Variants in CBX8 observed in about 807,000 individuals in gnomAD.
The protein encoded by CBX8 is chromobox protein homolog 8.
A neutral mutation model predicts 39.7 loss-of-function variants in CBX8; 8 were observed. The observed-to-expected ratio is 0.20, with a 90% CI of 0.12 to 0.36. The LOEUF (loss-of-function observed/expected upper bound fraction) is 0.36, where lower values mean the gene tolerates loss of function less well. Among genes scored for constraint, CBX8 ranks in the 10% least tolerant of loss-of-function variants. The pLI is 1.00. For synonymous variants in CBX8, 268 were observed against 219.8 expected (o/e 1.22, Z -1.94); for missense variants, 505 against 529.6 (o/e 0.95, Z 0.46).
At position 79,795,606 on chromosome 17, in the gene CBX8, CCCCA is replaced by C; in HGVS notation, c.247-52_247-49del. The C allele has an allele frequency of 7.1e-7, 1 of 1,403,146 alleles. No individual in the cohort carries two copies. Among genetic ancestry groups the C allele is most frequent in the African/African-American group, 1.5e-5 (1 of 68,832 alleles). The allele number at this position is 1,403,146 out of a possible 1,614,324, so 86.9% of individuals were successfully genotyped here. A position where few individuals can be genotyped will look rare whatever the true frequency, so the allele number is the denominator to read the frequency against. ...AAGAGTGGGGCAGGGCCCTGTCCAC[CCCCA>C]CAGGACTCCTCCTCTATCCCTGACC... On this transcript the variant is annotated intron_variant, in intron 4 of 4. Coordinates refer to ENST00000269385, the MANE Select transcript of CBX8 (RefSeq NM_020649.3). The surrounding 1 kb of genome is among the most constrained non-coding windows in gnomAD (Gnocchi z 5.8).
Position 79,795,473 on chromosome 17 carries a change from G to A in CBX8, c.332C>T (p.Pro111Leu). The part of the protein sequence containing the change: ...GIRIPYPGRS[P>L]QDLASTSRAR... ...CCGGGAAGTGGAGGCCAGGTCCTGG[G>A]GCGAGCGGCCAGGGTAGGGGATCCG... Residue 111 changes from proline (P) to leucine (L), a missense_variant, in exon 5 of 5, where the codon CCC becomes CTC. By Grantham distance (98) the Pro-to-Leu change is moderately conservative. Around this residue, in one of 3 missense-constraint regions of CBX8, gnomAD observed 456 missense variants for 389.2 expected, o/e 1.17. Transcript: ENST00000269385. This position sits in a 1 kb window ranked among gnomAD's most constrained non-coding sequence, Gnocchi z 5.8. 3.8e-6 allele frequency: 6 copies of A among 1,597,900 alleles called. No individual in the cohort carries two copies. Among genetic ancestry groups the A allele is most frequent in the Non-Finnish European group, 5.1e-6 (6 of 1,172,130 alleles).
At chr17:79,796,435 G>C (rs775663900) in intron 2 of CBX8, 62 bp downstream of exon 2, 1 of 1,608,360 alleles carries the variant, frequency 6.2e-7, no homozygotes, top group Non-Finnish European at 8.5e-7. Flanking sequence ...AAGGCAAAAA[G>C]AGGAAGAAAG....
chr17:79,796,376 T>G (rs945035385), intron 2 of CBX8, 61 bp from the exon 3 acceptor site: 33 of 1,461,302 alleles, frequency 2.3e-5, no homozygotes, highest in Non-Finnish European at 2.7e-5. Flanking sequence ...GCAGAGGGGG[T>G]GTGTGTGTGT....
In CBX8 at chr17:79,793,227, C is replaced by T. The variant is rs560624316; in HGVS notation, c.*1408G>A. On this transcript the variant is annotated 3_prime_UTR_variant, in exon 5 of 5. Coordinates refer to ENST00000269385, the MANE Select transcript of CBX8 (RefSeq NM_020649.3). ...GCCGTCCCCACTCCCAACTCCCGCT[C>T]CTCCCTCCCCCTTTGGCGGAGTTTG... The T allele has an allele frequency of 4.7e-3, 721 of 152,242 alleles. 1 individual carries two copies. The highest frequency in any genetic ancestry group is 7.4e-3 in the Non-Finnish European group (505 of 68,010). The allele number at this position is 152,242 out of a possible 1,614,324, so 9.4% of individuals were successfully genotyped here.
chr17:79,794,521 C>T lies in CBX8; in HGVS notation c.*114G>A. Reference sequence around the variant, plus strand: ...AAAGGGGCTGGTGGGGTGGGGGTGACATCAGGGACGGGACCAGCCAAAAGG... The same window carrying T: ...AAAGGGGCTGGTGGGGTGGGGGTGATATCAGGGACGGGACCAGCCAAAAGG... On this transcript the variant is annotated 3_prime_UTR_variant, in exon 5 of 5. Coordinates refer to ENST00000269385, the MANE Select transcript of CBX8 (RefSeq NM_020649.3). The T allele has an allele frequency of 2.8e-6, 2 of 723,754 alleles. No homozygotes were observed. Among genetic ancestry groups the T allele is most frequent in the Non-Finnish European group, 4.5e-6 (2 of 443,518 alleles). 44.8% of individuals were successfully genotyped at this position (723,754 alleles called of 1,614,324 possible). A position where few individuals can be genotyped will look rare whatever the true frequency, so the allele number is the denominator to read the frequency against.
chr17:79,794,194 G>A lies in CBX8; in HGVS notation c.*441C>T, dbSNP rs1411066750. ...CTTGGTGCCAGGAGTCTGGCATTGG[G>A]CTGTGGGAGAAGGGAGGAGGGGTGA... is the stretch of plus-strand genomic sequence containing the variant. On this transcript the variant is annotated 3_prime_UTR_variant, in exon 5 of 5. Transcript: ENST00000269385. 6.6e-6 allele frequency: 1 copy of A among 152,268 alleles called. No individual in the cohort carries two copies. Among genetic ancestry groups the A allele is most frequent in the East Asian group, 1.9e-4 (1 of 5,170 alleles). 9.4% of individuals were successfully genotyped at this position (152,268 alleles called of 1,614,324 possible). A position where few individuals can be genotyped will look rare whatever the true frequency, so the allele number is the denominator to read the frequency against.
rs1908032151 is a variant in CBX8 at position 79,795,265 on chromosome 17, C to CCGCTCT, written c.534_539dup (p.Glu179_Arg180dup). 3.7e-6 allele frequency: 6 copies of CCGCTCT among 1,610,212 alleles called. No homozygotes were observed. Among genetic ancestry groups the CCGCTCT allele is most frequent in the Non-Finnish European group, 5.1e-6 (6 of 1,178,506 alleles). On this transcript the variant is annotated inframe_insertion, in exon 5 of 5. Transcript: ENST00000269385. This position sits in a 1 kb window ranked among gnomAD's most constrained non-coding sequence, Gnocchi z 5.8. Reference sequence around the variant, plus strand: ...GCTTGTCATCCACTCTGCTGGTACCCCGCTCTCGTTCCCTCTCACGTTCCC... The same window carrying CCGCTCT: ...GCTTGTCATCCACTCTGCTGGTACCCCGCTCTCGCTCTCGTTCCCTCTCACGTTCCC...
rs199859945 is a variant in CBX8, at chr17:79,795,480, G to A, written c.325C>T (p.Arg109Cys). The change falls in exon 5 of 5, where the codon CGC becomes TGC. Residue 109 changes from arginine (R) to cysteine (C), a missense_variant. Coordinates refer to ENST00000269385, the MANE Select transcript of CBX8 (RefSeq NM_020649.3). The surrounding 1 kb of genome is among the most constrained non-coding windows in gnomAD (Gnocchi z 5.8). ...ARGIRIPYPG[R>C]SPQDLASTSR... is the part of the protein sequence containing the mutation. ...GTGGAGGCCAGGTCCTGGGGCGAGC[G>A]GCCAGGGTAGGGGATCCGGATGCCC... 8.6e-5 allele frequency: 136 copies of A among 1,589,964 alleles called. No individual in the cohort carries two copies. Among genetic ancestry groups the A allele is most frequent in the Admixed American group, 1.1e-4 (6 of 56,770 alleles).
chr17:79,796,791 TGCC>T (rs897399746), intron 1 of CBX8, 136 bp downstream of exon 1: 519 of 652,076 alleles, frequency 8.0e-4, no homozygotes, highest in Middle Eastern at 1.5e-3. Context: ...GGCTCAGAGC[TGCC>T]GCCGCCGCCG....
In CBX8 at chr17:79,797,049, A is replaced by C. The variant is rs1568508712; in HGVS notation, c.-51T>G. 2.6e-6 allele frequency: 4 copies of C among 1,567,540 alleles called. No homozygotes were observed. The highest frequency in any genetic ancestry group is 3.5e-6 in the Non-Finnish European group (4 of 1,151,464). ...CCGCTTCCAGGAGCAGAAAAGCAGC[A>C]GCCAGCGCACGACAGACCATAATAC... On this transcript the variant is annotated 5_prime_UTR_variant, in exon 1 of 5. Transcript: ENST00000269385.
chr17:79,794,793 G>A lies in CBX8; in HGVS notation c.1012C>T (p.Pro338Ser). 1 of 1,613,044 alleles carries A rather than the reference G, an allele frequency of 6.2e-7. No individual in the cohort carries two copies. Among genetic ancestry groups the A allele is most frequent in the Non-Finnish European group, 8.5e-7 (1 of 1,179,396 alleles). The change falls in exon 5 of 5, where the codon CCT (proline) becomes TCT (serine). Residue 338 changes from proline (P) to serine (S), a missense_variant. Physicochemically the swap from Pro to Ser is moderately conservative, Grantham distance 74. Around this residue, in one of 3 missense-constraint regions of CBX8, gnomAD observed 456 missense variants for 389.2 expected, o/e 1.17. Coordinates refer to ENST00000269385, the MANE Select transcript of CBX8 (RefSeq NM_020649.3). ...GGRPSLIARI[P>S]VARILGDPEE... ...GGGTCCCCCAGGATTCTGGCCACAG[G>A]GATCCTGGCGATGAGGGAGGGCCTT...
intron 1 of CBX8, 115 bp downstream of exon 1, chr17:79,796,815 C>T (rs1908112657): frequency 3.8e-6 from 4 of 1,044,796 alleles, no homozygotes; most frequent in Middle Eastern, 3.1e-4. Flanking sequence ...CCGCCACGGC[C>T]GCGGCCGCTG....
chr17:79,796,807 G>A (rs1200830715), intron 1 of CBX8, 123 bp downstream of exon 1: 3 of 964,778 alleles, frequency 3.1e-6, no homozygotes, highest in Non-Finnish European at 3.0e-6. Flanking sequence ...CGCCGCCGCC[G>A]CCACGGCCGC....
In CBX8 at chr17:79,795,033, G is replaced by C. The variant is rs1908018530; in HGVS notation, c.772C>G (p.Leu258Val). 3 of 1,607,228 alleles carry C rather than the reference G, an allele frequency of 1.9e-6. No individual in the cohort carries two copies. The highest frequency in any genetic ancestry group is 2.5e-6 in the Non-Finnish European group (3 of 1,176,570). ...IQLARRQDSD[L>V]VQCGVTSPSS... is the part of the protein sequence containing the mutation. Reference sequence around the variant, plus strand: ...GGGCTGGTCACACCACACTGCACCAGGTCCGAGTCCTGTCTTCGGGCCAGC... The same window carrying C: ...GGGCTGGTCACACCACACTGCACCACGTCCGAGTCCTGTCTTCGGGCCAGC... The change falls in exon 5 of 5, where the codon CTG becomes GTG. Residue 258 changes from leucine to valine, a missense_variant. Transcript: ENST00000269385. This position sits in a 1 kb window ranked among gnomAD's most constrained non-coding sequence, Gnocchi z 5.8.
Position 79,792,671 on chromosome 17 carries a change from C to G in CBX8, c.*1964G>C, listed in dbSNP as rs957924327. On this transcript the variant is annotated 3_prime_UTR_variant, in exon 5 of 5. Coordinates refer to ENST00000269385, the MANE Select transcript of CBX8 (RefSeq NM_020649.3). Reference sequence around the variant, plus strand: ...TCAACGGCGCTTCTTTATACAAAGTCTAAAATACCAGTTTTACAAATGTGA... The same window carrying G: ...TCAACGGCGCTTCTTTATACAAAGTGTAAAATACCAGTTTTACAAATGTGA... 1 of 152,232 alleles carries G rather than the reference C, an allele frequency of 6.6e-6. No individual in the cohort carries two copies. Among genetic ancestry groups the G allele is most frequent in the Admixed American group, 6.5e-5 (1 of 15,280 alleles). 9.4% of individuals were successfully genotyped at this position (152,232 alleles called of 1,614,324 possible).
chr17:79,794,589 G>T lies in CBX8; in HGVS notation c.*46C>A. The T allele has an allele frequency of 7.1e-7, 1 of 1,400,294 alleles. No homozygotes were observed. Among genetic ancestry groups the T allele is most frequent in the Non-Finnish European group, 9.7e-7 (1 of 1,033,204 alleles). The allele number at this position is 1,400,294 out of a possible 1,614,324, so 86.7% of individuals were successfully genotyped here. A position where few individuals can be genotyped will look rare whatever the true frequency, so the allele number is the denominator to read the frequency against. ...ATAAAAATCACTATGCCAAGCTCAC[G>T]CTCACTCTCTCCCCTGCTCTCCTCC... On this transcript the variant is annotated 3_prime_UTR_variant, in exon 5 of 5. Transcript: ENST00000269385.
Position 79,795,297 on chromosome 17 carries a change from T to C in CBX8, c.508A>G (p.Arg170Gly), listed in dbSNP as rs1335537635. 3 of 1,591,478 alleles carry C rather than the reference T, an allele frequency of 1.9e-6. No homozygotes were observed. Among genetic ancestry groups the C allele is most frequent in the Non-Finnish European group, 2.6e-6 (3 of 1,168,694 alleles). ...RDRERERERE[R>G]ERERERERER... ...CGTTCCCTCTCACGTTCCCGCTCCC[T>C]CTCTCGCTCCCTCTCCCTTTCTCGA... Residue 170 changes from arginine to glycine, a missense_variant, in exon 5 of 5, where the codon AGG (arginine) becomes GGG (glycine). Around this residue, in one of 3 missense-constraint regions of CBX8, gnomAD observed 456 missense variants for 389.2 expected, o/e 1.17. Coordinates refer to ENST00000269385, the MANE Select transcript of CBX8 (RefSeq NM_020649.3). The surrounding 1 kb of genome is among the most constrained non-coding windows in gnomAD (Gnocchi z 5.8).
Position 79,793,802 on chromosome 17 carries a change from C to T in CBX8, c.*833G>A, listed in dbSNP as rs1439769160. ...GGCATTTCGGGAATGTAAACAGATTCGCTGGATTTCTTTTCTTTCTGCGGA... is the reference window on the plus strand; with the variant it reads ...GGCATTTCGGGAATGTAAACAGATTTGCTGGATTTCTTTTCTTTCTGCGGA... On this transcript the variant is annotated 3_prime_UTR_variant, in exon 5 of 5. Transcript: ENST00000269385. The T allele has an allele frequency of 6.6e-6, 1 of 152,218 alleles. No homozygotes were observed. The highest frequency in any genetic ancestry group is 2.4e-5 in the African/African-American group (1 of 41,448). The allele number at this position is 152,218 out of a possible 1,614,324, so 9.4% of individuals were successfully genotyped here.
In CBX8 at chr17:79,796,981, C is replaced by T. The variant is rs761124429; in HGVS notation, c.18G>A (p.Val6=). The T allele has an allele frequency of 1.4e-5, 23 of 1,611,110 alleles. No individual in the cohort carries two copies. The highest frequency in any genetic ancestry group is 1.8e-5 in the Non-Finnish European group (21 of 1,179,046). MELSA[V]GERVFAAEAL... is the part of the protein sequence containing the mutation. Reference sequence around the variant, plus strand: ...CTTCGGCCGCGAACACCCGCTCCCCCACCGCTGAAAGCTCCATGTTGACTC... The same window carrying T: ...CTTCGGCCGCGAACACCCGCTCCCCTACCGCTGAAAGCTCCATGTTGACTC... Residue 6 remains valine (V), a synonymous_variant, in exon 1 of 5, where the codon GTG becomes GTA. Transcript: ENST00000269385.
Sources: allele counts gnomAD v4.1 joint callset, GRCh38; gene constraint gnomAD v4.1.1; regional missense constraint gnomAD v4.1.1; non-coding constraint Gnocchi (gnomAD v3.1); transcripts MANE v1.5; gene names NCBI Gene and HGNC (gene_info 2026-07-23, HGNC 2026-07-21).